Variants in GALNTL6 observed in about 807,000 individuals in gnomAD.
GALNTL6 encodes polypeptide N-acetylgalactosaminyltransferase like 6.
In GALNTL6, 46 loss-of-function variants were observed where a neutral mutation model predicts 73.7. That is an observed-to-expected ratio of 0.62 (90% confidence interval 0.49 to 0.80). The LOEUF is 0.80. Ranked by LOEUF, GALNTL6 falls within the 30% of genes least tolerant of loss-of-function variation. GALNTL6 has a pLI of 0.00. For missense variants in GALNTL6, 604 were observed against 755.0 expected (o/e 0.80, Z 2.34); for synonymous variants, 259 against 263.7 (o/e 0.98, Z 0.17).
chr4:171,922,559 T>C (rs1017946935), intron 2 of GALNTL6, among the ~76,000 whole-genome samples: 9 of 152,024 alleles, frequency 5.9e-5, no homozygotes, highest in African/African-American at 4.8e-5. Context: ...ATTGCTCCTT[T>C]TAAACTGATG....
rs1411688741 is a variant in GALNTL6, at chr4:171,813,680, C to T, written c.-480C>T. ...GAACAGCGGAGCGTGAGAGCGTCACCGGGGGAAGGGACGAGATTGATGGGC... is the reference window on the plus strand; with the variant it reads ...GAACAGCGGAGCGTGAGAGCGTCACTGGGGGAAGGGACGAGATTGATGGGC... On this transcript the variant is annotated 5_prime_UTR_variant, in exon 1 of 13. Transcript: ENST00000506823. This position sits in a 1 kb window ranked among gnomAD's most constrained non-coding sequence, Gnocchi z 5.2. 2 of 152,356 alleles carry T rather than the reference C, an allele frequency of 1.3e-5. No individual in the cohort carries two copies. The highest frequency in any genetic ancestry group is 2.4e-5 in the African/African-American group (1 of 41,452). 9.4% of individuals were successfully genotyped at this position (152,356 alleles called of 1,614,324 possible).
At chr4:172,191,983 C>A (rs1023942839) in intron 2 of GALNTL6, among the ~76,000 whole-genome samples, 1 of 141,052 alleles carries the variant, frequency 7.1e-6, no homozygotes, top group Non-Finnish European at 1.5e-5. Flanking sequence ...TTACCTATTT[C>A]TGATTTTTAA....
intron 4 of GALNTL6, among the ~76,000 whole-genome samples, chr4:172,331,019 A>T (rs907723143): frequency 2.0e-5 from 3 of 152,044 alleles, no homozygotes; most frequent in Admixed American, 6.5e-5. Flanking sequence ...TATCTTTTAT[A>T]TATCTTAAAT....
At chr4:172,875,732 AACACAC>A (rs59079970) in intron 7 of GALNTL6, among the ~76,000 whole-genome samples, 14,224 of 145,788 alleles carry the variant, frequency 0.098, 819 homozygotes, top group Non-Finnish European at 0.14. Flanking sequence ...CTCATACATA[AACACAC>A]ACACACACAC....
intron 5 of GALNTL6, among the ~76,000 whole-genome samples, chr4:172,591,853 G>A (rs1737650075): frequency 6.6e-6 from 1 of 152,130 alleles, no homozygotes; most frequent in African/African-American, 2.4e-5. Context: ...GTTCATGTAG[G>A]TATTGGTGCA....
At chr4:172,066,255 G>T (rs774803512) in intron 2 of GALNTL6, among the ~76,000 whole-genome samples, 1 of 151,924 alleles carries the variant, frequency 6.6e-6, no homozygotes, top group African/African-American at 2.4e-5. Context: ...TATTCATATC[G>T]CTCCCTACTC....
rs985671934 is a variant in GALNTL6, at chr4:172,934,413, AGGT to A, written c.1149+3146_1149+3148del. Reference sequence around the variant, plus strand: ...AACATCTTTTTATGCAGAAACTATAAGGTTTTTTTCATTGAAAAAAAAATAGAA... The same window carrying A: ...AACATCTTTTTATGCAGAAACTATAATTTTTTCATTGAAAAAAAAATAGAA... On this transcript the variant is annotated intron_variant, in intron 9 of 12. Coordinates refer to ENST00000506823, the MANE Select transcript of GALNTL6 (RefSeq NM_001034845.3). Among the ~76,000 whole-genome samples, 12 of 152,234 alleles carry A rather than the reference AGGT, an allele frequency of 7.9e-5. No individual in the cohort carries two copies. The East Asian group carries it at 2.3e-3, about 29-fold the overall frequency.
chr4:172,116,429 A>G (rs1385076377), intron 2 of GALNTL6, among the ~76,000 whole-genome samples: 1 of 152,134 alleles, frequency 6.6e-6, no homozygotes, highest in East Asian at 1.9e-4. Flanking sequence ...TTATCCCAAG[A>G]TGACTTTTAT....
chr4:172,533,536 G>T (rs1371304204), intron 5 of GALNTL6, among the ~76,000 whole-genome samples: 1 of 151,794 alleles, frequency 6.6e-6, no homozygotes, highest in Non-Finnish European at 1.5e-5. Flanking sequence ...TATTGGTCAG[G>T]CTGGTCTTGA....
chr4:172,370,762 G>A (rs900333207), intron 5 of GALNTL6, among the ~76,000 whole-genome samples: 3 of 151,958 alleles, frequency 2.0e-5, no homozygotes, highest in Non-Finnish European at 4.4e-5. Context: ...CCCCTAAGAA[G>A]GTACAAAGTC....
intron 2 of GALNTL6, among the ~76,000 whole-genome samples, chr4:172,215,367 A>G (rs1430165198): frequency 6.6e-6 from 1 of 152,134 alleles, no homozygotes; most frequent in African/African-American, 2.4e-5. Context: ...CAACTGTAGC[A>G]ATGGATTTGT....
At chr4:172,984,194 G>C (rs527726829) in intron 10 of GALNTL6, among the ~76,000 whole-genome samples, 1 of 152,172 alleles carries the variant, frequency 6.6e-6, no homozygotes, top group African/African-American at 2.4e-5. Context: ...TGCTAATACA[G>C]ACATACTAGA....
chr4:172,865,714 G>A (rs1189743683), intron 7 of GALNTL6, among the ~76,000 whole-genome samples: 1 of 151,946 alleles, frequency 6.6e-6, no homozygotes, highest in Non-Finnish European at 1.5e-5. Flanking sequence ...CTTCTGTCAC[G>A]TGATTTTGTC....
intron 5 of GALNTL6, among the ~76,000 whole-genome samples, chr4:172,756,449 G>A (rs1466916447): frequency 6.6e-6 from 1 of 152,020 alleles, no homozygotes; most frequent in Non-Finnish European, 1.5e-5. Flanking sequence ...TTTGAGACCA[G>A]CCTGACCATT....
chr4:172,121,181 G>T (rs1167736331), intron 2 of GALNTL6, among the ~76,000 whole-genome samples: 1 of 151,904 alleles, frequency 6.6e-6, no homozygotes, highest in East Asian at 1.9e-4. Flanking sequence ...TATACTTGGC[G>T]ACAAAGATTA....
At chr4:172,231,638 G>A (rs966612874) in intron 3 of GALNTL6, among the ~76,000 whole-genome samples, 7 of 152,208 alleles carry the variant, frequency 4.6e-5, no homozygotes, top group African/African-American at 1.4e-4. Flanking sequence ...ATCAATTTCT[G>A]TTTCTGATAT....
chr4:172,812,187 A>G (rs1419012924), intron 6 of GALNTL6, among the ~76,000 whole-genome samples: 1 of 152,184 alleles, frequency 6.6e-6, no homozygotes, highest in Non-Finnish European at 1.5e-5. Flanking sequence ...GCCACTTCTT[A>G]TTATAACCAG....
At chr4:171,886,156 AACTT>A (rs1422845022) in intron 2 of GALNTL6, among the ~76,000 whole-genome samples, 1 of 152,174 alleles carries the variant, frequency 6.6e-6, no homozygotes, top group Non-Finnish European at 1.5e-5. Flanking sequence ...GAAAATAAGA[AACTT>A]AATAAAAATC....
chr4:172,072,981 C>A (rs1731590803), intron 2 of GALNTL6, among the ~76,000 whole-genome samples: 1 of 152,144 alleles, frequency 6.6e-6, no homozygotes, highest in African/African-American at 2.4e-5. Context: ...TGATCTTATA[C>A]CTGCCTAATT....
Sources: gnomAD v4.1 joint callset for allele counts (sites outside exome capture counted in the v4.1 genomes callset) on GRCh38, gnomAD v4.1.1 for gene constraint, Gnocchi (gnomAD v3.1) non-coding constraint, MANE v1.5 for transcripts, NCBI Gene and HGNC (gene_info 2026-07-23, HGNC 2026-07-21) for gene names.